Variants in SKA1 observed in about 807,000 individuals in gnomAD.
The protein encoded by SKA1 is SKA complex subunit 1.
SKA1 carries 20 observed loss-of-function variants against 31.8 expected under a neutral mutation model. The ratio of observed to expected loss-of-function variants is 0.63; its 90% CI spans 0.44 to 0.91. SKA1 has a LOEUF of 0.91. Among genes scored for constraint, SKA1 ranks in the 40% least tolerant of loss-of-function variants. The probability of loss-of-function intolerance (pLI) is 0.00; values close to 1 mark genes in which losing one functional copy is unlikely to be tolerated. For synonymous variants in SKA1, 88 were observed against 100.5 expected (o/e 0.88, Z 0.74); for missense variants, 253 against 298.2 (o/e 0.85, Z 1.12).
intron 5 of SKA1, among the ~76,000 whole-genome samples, chr18:50,385,605 T>C (rs570081040): frequency 6.6e-6 from 1 of 152,368 alleles, no homozygotes; most frequent in East Asian, 1.9e-4. Context: ...GTTACAGATT[T>C]ACCAATCATA....
chr18:50,388,497 G>A (rs1033571912), intron 5 of SKA1, among the ~76,000 whole-genome samples: 3 of 151,198 alleles, frequency 2.0e-5, no homozygotes, highest in Non-Finnish European at 2.9e-5. Context: ...TCACTAATAC[G>A]TTCCTGTAAC....
intron 6 of SKA1, 148 bp from the exon 7 acceptor site, chr18:50,391,948 AATT>A: frequency 1.9e-6 from 1 of 536,136 alleles, no homozygotes; most frequent in Non-Finnish European, 3.2e-6. Flanking sequence ...TTGATAGAAT[AATT>A]ATTATTTTAG....
intron 5 of SKA1, among the ~76,000 whole-genome samples, chr18:50,389,455 G>A (rs2041340236): frequency 6.8e-6 from 1 of 146,432 alleles, no homozygotes; most frequent in Non-Finnish European, 1.5e-5. Flanking sequence ...GAGTGCAGTG[G>A]CATGATCTCG....
chr18:50,376,870 A>T (rs2041221176), intron 2 of SKA1, among the ~76,000 whole-genome samples: 1 of 142,270 alleles, frequency 7.0e-6, no homozygotes, highest in African/African-American at 2.6e-5. Flanking sequence ...ACACACACAC[A>T]TTAGCCTAGG....
intron 5 of SKA1, among the ~76,000 whole-genome samples, chr18:50,388,012 G>A (rs924815820): frequency 1.3e-5 from 2 of 152,198 alleles, no homozygotes; most frequent in African/African-American, 4.8e-5. Flanking sequence ...TAGGAGCTGG[G>A]CTATGTTTAA....
At chr18:50,380,563 G>A (rs2041254955) in intron 3 of SKA1, among the ~76,000 whole-genome samples, 1 of 152,166 alleles carries the variant, frequency 6.6e-6, no homozygotes, top group Non-Finnish European at 1.5e-5. Context: ...TGGGTGAGGA[G>A]ATATGGATTC....
intron 5 of SKA1, among the ~76,000 whole-genome samples, chr18:50,389,546 C>T (rs2041340879): frequency 6.6e-6 from 1 of 151,932 alleles, no homozygotes; most frequent in Non-Finnish European, 1.5e-5. Flanking sequence ...CAGGCGTGTG[C>T]CACCACACCC....
chr18:50,384,517 A>C (rs17841724), intron 4 of SKA1, among the ~76,000 whole-genome samples: 9,829 of 152,144 alleles, frequency 0.065, 897 homozygotes, highest in African/African-American at 0.2. Flanking sequence ...CTGGCAACTA[A>C]AATGACTCCG....
chr18:50,378,674 CAAAAAAAAAA>C (rs60131407), intron 2 of SKA1, among the ~76,000 whole-genome samples: 194 of 130,212 alleles, frequency 1.5e-3, no homozygotes, highest in African/African-American at 5.2e-3. Context: ...GACCCTGTCT[CAAAAAAAAAA>C]AAAAAAAAAA....
In SKA1 at chr18:50,379,538, T is replaced by G. The variant is rs550232350; in HGVS notation, c.89-588T>G. On this transcript the variant is annotated intron_variant, in intron 2 of 6. Coordinates refer to ENST00000285116, the MANE Select transcript of SKA1 (RefSeq NM_145060.4). Reference sequence around the variant, plus strand: ...ATTTCTCTGGTGAGTGATTACAACTTTCACTGAAAATATATTCATAAAGAA... The same window carrying G: ...ATTTCTCTGGTGAGTGATTACAACTGTCACTGAAAATATATTCATAAAGAA... Among the ~76,000 whole-genome samples the G allele has an allele frequency of 5.3e-5, 8 of 152,304 alleles. No individual in the cohort carries two copies. In the East Asian group the frequency reaches 1.5e-3, roughly 29 times the overall value.
At chr18:50,389,043 T>C (rs1384098214) in intron 5 of SKA1, among the ~76,000 whole-genome samples, 1 of 152,202 alleles carries the variant, frequency 6.6e-6, no homozygotes, top group Non-Finnish European at 1.5e-5. Flanking sequence ...CTCTCCTGTT[T>C]TGGGGGCAGT....
At position 50,393,650 on chromosome 18, in the gene SKA1, A is replaced by G. The variant is rs2041378651; in HGVS notation, c.*1403A>G. ...TAAGAAATATATATTTGATCTTCCT[A>G]TCTAGTTCCTTGTTCAGAGCTCCTA... On this transcript the variant is annotated 3_prime_UTR_variant, in exon 7 of 7. Coordinates refer to ENST00000285116, the MANE Select transcript of SKA1 (RefSeq NM_145060.4). The G allele has an allele frequency of 6.6e-6, 1 of 152,322 alleles. No individual in the cohort carries two copies. Among genetic ancestry groups the G allele is most frequent in the East Asian group, 1.9e-4 (1 of 5,192 alleles). 9.4% of individuals were successfully genotyped at this position (152,322 alleles called of 1,614,324 possible).
Position 50,392,234 on chromosome 18 carries a change from A to G in SKA1, c.755A>G (p.Tyr252Cys), listed in dbSNP as rs770282741. 1.9e-6 allele frequency: 3 copies of G among 1,591,324 alleles called. No homozygotes were observed. The highest frequency in any genetic ancestry group is 1.2e-5 in the South Asian group (1 of 86,392). The change falls in exon 7 of 7, where the codon TAT becomes TGT. Residue 252 changes from tyrosine to cysteine, a missense_variant. By Grantham distance (194) the Tyr-to-Cys change is radical (BLOSUM62 -2). Coordinates refer to ENST00000285116, the MANE Select transcript of SKA1 (RefSeq NM_145060.4). ...SEVRGGGLTR[Y>C]VIT The stretch of plus-strand genomic sequence containing the variant: ...GTCCGAGGGGGAGGACTTACTCGTT[A>G]TGTTATAACCTGAGTCCCTTGTGAA...
intron 5 of SKA1, among the ~76,000 whole-genome samples, chr18:50,389,532 A>G (rs1331802468): frequency 6.6e-6 from 1 of 151,602 alleles, no homozygotes; most frequent in Admixed American, 6.6e-5. Context: ...AGTAGCTGGG[A>G]CCACAGGCGT....
intron 3 of SKA1, 43 bp from the exon 4 acceptor site, chr18:50,382,086 T>C: frequency 3.6e-6 from 4 of 1,117,186 alleles, no homozygotes; most frequent in Non-Finnish European, 5.2e-6. Context: ...AAAACACACA[T>C]GGGGAGGACA....
chr18:50,389,233 C>T lies in SKA1; in HGVS notation c.450-1891C>T, dbSNP rs112842086. 3.0e-3 allele frequency among the ~76,000 whole-genome samples: 463 copies of T among 152,138 alleles called. 3 individuals are homozygous for T. Among genetic ancestry groups the T allele is most frequent in the African/African-American group, 1.0e-2 (415 of 41,502 alleles). On this transcript the variant is annotated intron_variant, in intron 5 of 6. Coordinates refer to ENST00000285116, the MANE Select transcript of SKA1 (RefSeq NM_145060.4). ...CTAATCTCACACCTGCTAGTGTTAC[C>T]TCCTACTTAAAAATTGCTACCAATT...
At position 50,391,191 on chromosome 18, in the gene SKA1, A is replaced by G; in HGVS notation, c.517A>G (p.Ile173Val). The change falls in exon 6 of 7, where the codon ATT (isoleucine) becomes GTT (valine). Residue 173 changes from isoleucine (I) to valine (V), a missense_variant. By Grantham distance (29) the Ile-to-Val change is conservative (BLOSUM62 3). Coordinates refer to ENST00000285116, the MANE Select transcript of SKA1 (RefSeq NM_145060.4). ...DVIKEINKAV[I>V]SKYKILHQPK... ...TATTAAAGAAATCAACAAGGCAGTA[A>G]TTAGTAAATATAAAATCCTACATCA... is the stretch of plus-strand genomic sequence containing the variant. 1 of 1,602,968 alleles carries G rather than the reference A, an allele frequency of 6.2e-7. No homozygotes were observed. Among genetic ancestry groups the G allele is most frequent in the South Asian group, 1.1e-5 (1 of 88,540 alleles).
chr18:50,384,872 A>AAAAAAAAAAAAAAAAAAGG (rs2041293218), intron 4 of SKA1, among the ~76,000 whole-genome samples: 1 of 68,790 alleles, frequency 1.5e-5, no homozygotes, highest in Non-Finnish European at 2.6e-5. Context: ...AAAAAAAATT[A>AAAAAAAAAAAAAAAAAAGG]AAAAAAAAAA....
At chr18:50,378,272 A>G (rs886677275) in intron 2 of SKA1, among the ~76,000 whole-genome samples, 19 of 152,182 alleles carry the variant, frequency 1.2e-4, no homozygotes, top group African/African-American at 4.6e-4. Flanking sequence ...AGATCCTTAC[A>G]CAGTTGTCAA....
Sources: gnomAD v4.1 joint callset for allele counts (sites outside exome capture counted in the v4.1 genomes callset) on GRCh38, gnomAD v4.1.1 for gene constraint, MANE v1.5 for transcripts, NCBI Gene and HGNC (gene_info 2026-07-23, HGNC 2026-07-21) for gene names.